WTAP: variants seen among roughly 807,000 people sequenced by gnomAD.
WTAP encodes pre-mRNA-splicing regulator WTAP.
Under a neutral mutation model 50.0 loss-of-function variants are expected in WTAP, and 8 were observed. The ratio of observed to expected loss-of-function variants is 0.16; its 90% CI spans 0.09 to 0.29. The LOEUF is 0.29. WTAP is among the 10% of genes least tolerant of loss of function. WTAP has a pLI of 1.00. For missense variants in WTAP, 295 were observed against 470.7 expected (o/e 0.63, Z 3.45); for synonymous variants, 194 against 169.0 (o/e 1.15, Z -1.15).
intron 1 of WTAP, among the ~76,000 whole-genome samples, chr6:159,731,563 A>T (rs879859730): frequency 6.6e-6 from 1 of 152,264 alleles, no homozygotes; most frequent in East Asian, 1.9e-4. Flanking sequence ...TGTTAGAAAC[A>T]GTCGGGAGGA....
At chr6:159,744,252 C>T (rs771712113) in intron 5 of WTAP, among the ~76,000 whole-genome samples, 1 of 152,094 alleles carries the variant, frequency 6.6e-6, no homozygotes, top group South Asian at 2.1e-4. Context: ...TTGATGTGTA[C>T]TGTGTAGTAT....
intron 1 of WTAP, among the ~76,000 whole-genome samples, chr6:159,729,296 G>A (rs184313790): frequency 2.0e-5 from 3 of 152,210 alleles, no homozygotes; most frequent in African/African-American, 7.2e-5. Flanking sequence ...TAGTATTTTG[G>A]TTTTATTCTT....
intron 3 of WTAP, among the ~76,000 whole-genome samples, chr6:159,740,269 C>CT (rs1779173127): frequency 1.3e-5 from 2 of 152,044 alleles, no homozygotes; most frequent in Admixed American, 1.3e-4. Flanking sequence ...AATCAGTAAT[C>CT]TTAATAAAGA....
In WTAP at chr6:159,740,948, C is replaced by G. The variant is rs190170777; in HGVS notation, c.87-1140C>G. On this transcript the variant is annotated intron_variant, in intron 3 of 7. Transcript: ENST00000621533. ...TGATTTCTTGACCTCATGATCTGCC[C>G]GCCTCGGCCTCCCAAAGTGCTGGGA... 3.9e-5 allele frequency among the ~76,000 whole-genome samples: 6 copies of G among 152,062 alleles called. No homozygotes were observed. The East Asian group carries it at 1.2e-3, about 29-fold the overall frequency.
chr6:159,753,360 T>C (rs747251451), intron 6 of WTAP, 100 bp from the exon 7 acceptor site: 130 of 1,494,390 alleles, frequency 8.7e-5, no homozygotes, highest in Non-Finnish European at 1.1e-4. Context: ...TGCTGTGATA[T>C]AGTTATGTTT....
chr6:159,744,870 G>T (rs1779479904), intron 5 of WTAP, among the ~76,000 whole-genome samples: 1 of 152,120 alleles, frequency 6.6e-6, no homozygotes, highest in South Asian at 2.1e-4. Flanking sequence ...GTAGAGATGA[G>T]GTCTTCCCTA....
At position 159,755,617 on chromosome 6, in the gene WTAP, T is replaced by C. The variant is rs367972700; in HGVS notation, c.*6T>C. The C allele has an allele frequency of 2.5e-6, 4 of 1,579,166 alleles. No homozygotes were observed. The highest frequency in any genetic ancestry group is 1.4e-5 in the African/African-American group (1 of 73,838). On this transcript the variant is annotated 3_prime_UTR_variant, in exon 8 of 8. Coordinates refer to ENST00000621533, the MANE Select transcript of WTAP (RefSeq NM_001270531.2). Reference sequence around the variant, plus strand: ...TACAGGGTTCAGTTTTGTAATATTTTTTCAGCAAATTTTTATACAGTGTCA... The same window carrying C: ...TACAGGGTTCAGTTTTGTAATATTTCTTCAGCAAATTTTTATACAGTGTCA...
intron 1 of WTAP, among the ~76,000 whole-genome samples, chr6:159,731,794 G>A (rs1282084014): frequency 6.6e-6 from 1 of 152,160 alleles, no homozygotes; most frequent in Non-Finnish European, 1.5e-5. Flanking sequence ...CAGAGATTTT[G>A]CTACTTTTGT....
At chr6:159,741,186 T>C (rs76275885) in intron 3 of WTAP, among the ~76,000 whole-genome samples, 109 of 152,108 alleles carry the variant, frequency 7.2e-4, no homozygotes, top group African/African-American at 2.5e-3. Context: ...CTAGGAAAAA[T>C]CTTTATTGCT....
upstream of WTAP, chr6:159,727,032 T>C: frequency 8.1e-7 from 1 of 1,231,116 alleles, no homozygotes; most frequent in South Asian, 1.4e-5. Flanking sequence ...CAGCCGCAGG[T>C]GGCCCCGGCG....
In WTAP at chr6:159,727,611, T is replaced by C; in HGVS notation, c.-101T>C. 1 of 986,188 alleles carries C rather than the reference T, an allele frequency of 1.0e-6. No homozygotes were observed. Among genetic ancestry groups the C allele is most frequent in the African/African-American group, 1.7e-5 (1 of 57,214 alleles). The allele number at this position is 986,188 out of a possible 1,614,324, so 61.1% of individuals were successfully genotyped here. On this transcript the variant is annotated 5_prime_UTR_variant, in exon 1 of 8. Transcript: ENST00000621533. ...GGGGCCGGCGGCAGAGCTGTCCGGC[T>C]GCGCGGTGGCCCGGGGGGCCCGGGC...
chr6:159,748,510 A>T lies in WTAP; in HGVS notation c.452+141A>T. 6.9e-7 allele frequency: 1 copy of T among 1,445,072 alleles called. No homozygotes were observed. The highest frequency in any genetic ancestry group is 1.6e-5 in the South Asian group (1 of 63,964). The allele number at this position is 1,445,072 out of a possible 1,614,324, so 89.5% of individuals were successfully genotyped here. A position where few individuals can be genotyped will look rare whatever the true frequency, so the allele number is the denominator to read the frequency against. On this transcript the variant is annotated intron_variant, in intron 6 of 7. Coordinates refer to ENST00000621533, the MANE Select transcript of WTAP (RefSeq NM_001270531.2). The surrounding 1 kb of genome is among the most constrained non-coding windows in gnomAD (Gnocchi z 5.6). ...AAAAAGCCACATTCTTACACTGTCC[A>T]GCTTGTAATGGTTAATGTAAAACTT...
intron 6 of WTAP, among the ~76,000 whole-genome samples, chr6:159,749,670 T>C (rs774641783): frequency 2.6e-5 from 4 of 152,190 alleles, no homozygotes; most frequent in Non-Finnish European, 5.9e-5. Context: ...TAGAAAGTAA[T>C]GTGGGACAGC....
chr6:159,755,329 T>C lies in WTAP; in HGVS notation c.909T>C (p.Phe303=). The C allele has an allele frequency of 1.9e-6, 3 of 1,614,238 alleles. No individual in the cohort carries two copies. The highest frequency in any genetic ancestry group is 1.7e-6 in the Non-Finnish European group (2 of 1,180,038). Residue 303 remains phenylalanine, a synonymous_variant, in exon 8 of 8, where the codon TTT becomes TTC. Coordinates refer to ENST00000621533, the MANE Select transcript of WTAP (RefSeq NM_001270531.2). ...HREGNTTEDD[F]PSSPGNGNKS... ...AGGGCAACACAACCGAAGATGACTT[T>C]CCTTCTTCTCCAGGGAATGGTAATA... is the stretch of plus-strand genomic sequence containing the variant.
intron 2 of WTAP, among the ~76,000 whole-genome samples, chr6:159,738,526 A>G (rs1378477082): frequency 6.6e-6 from 1 of 152,188 alleles, no homozygotes; most frequent in Non-Finnish European, 1.5e-5. Context: ...TAGCTTTTAC[A>G]AGTAAAGCTG....
At chr6:159,727,822 G>A in intron 1 of WTAP, 119 bp downstream of exon 1, 1 of 707,236 alleles carries the variant, frequency 1.4e-6, no homozygotes, top group Non-Finnish European at 1.7e-6. Flanking sequence ...CACGGGCCTG[G>A]TGCGGCACCG....
chr6:159,743,162 C>T (rs540722348), intron 4 of WTAP, among the ~76,000 whole-genome samples: 2 of 152,364 alleles, frequency 1.3e-5, no homozygotes, highest in South Asian at 2.1e-4. Context: ...ATTGACCTGC[C>T]TCAGCCTCCC....
chr6:159,739,063 C>A lies in WTAP; in HGVS notation c.86+18C>A. The A allele has an allele frequency of 6.3e-7, 1 of 1,599,732 alleles. No homozygotes were observed. Among genetic ancestry groups the A allele is most frequent in the African/African-American group, 1.3e-5 (1 of 74,572 alleles). On this transcript the variant is annotated intron_variant, in intron 3 of 7. Coordinates refer to ENST00000621533, the MANE Select transcript of WTAP (RefSeq NM_001270531.2). ...ATTCTAAGGTAAAATGTTCTCTGTT[C>A]AAAAACAAAGTCTTTCTATAGAACA...
chr6:159,745,237 T>C (rs1415226231), intron 5 of WTAP: 2 of 152,236 alleles, frequency 1.3e-5, no homozygotes, highest in Non-Finnish European at 2.9e-5. Context: ...GGATTCCTAC[T>C]CTTGACATCA....
Sources: gnomAD v4.1 joint callset for allele counts (sites outside exome capture counted in the v4.1 genomes callset) on GRCh38, gnomAD v4.1.1 for gene constraint, Gnocchi (gnomAD v3.1) non-coding constraint, MANE v1.5 for transcripts, NCBI Gene and HGNC (gene_info 2026-07-23, HGNC 2026-07-21) for gene names.